Variants in ME3 observed in about 807,000 individuals in gnomAD.
ME3 encodes NADP-dependent malic enzyme, mitochondrial.
Under a neutral mutation model 68.9 loss-of-function variants are expected in ME3, and 48 were observed. The observed-to-expected ratio is 0.70, with a 90% CI of 0.55 to 0.89. The LOEUF is 0.89. Among genes scored for constraint, ME3 ranks in the 40% least tolerant of loss-of-function variants. The pLI is 0.00. For synonymous variants in ME3, 320 were observed against 318.8 expected (o/e 1.00, Z -0.04); for missense variants, 675 against 797.4 (o/e 0.85, Z 1.85).
At position 86,662,281 on chromosome 11, in the gene ME3, AG is replaced by A. The variant is rs540767591; in HGVS notation, c.183+9480del. ...TCTGCCACTATGAGTTGTATGACCT[AG>A]GGCAAGTTAGCTAACCTTATGCCTC... is the stretch of plus-strand genomic sequence containing the variant. On this transcript the variant is annotated intron_variant, in intron 2 of 14. Coordinates refer to ENST00000543262, the Ensembl canonical transcript of ME3. Among the ~76,000 whole-genome samples the A allele has an allele frequency of 1.1e-3, 175 of 152,312 alleles. 1 individual carries two copies. Among genetic ancestry groups the A allele is most frequent in the African/African-American group, 3.7e-3 (152 of 41,560 alleles).
chr11:86,582,168 G>A (rs1958475550), intron 2 of ME3, among the ~76,000 whole-genome samples: 1 of 152,230 alleles, frequency 6.6e-6, no homozygotes, highest in African/African-American at 2.4e-5. Flanking sequence ...GCCTTTAATA[G>A]AGCAAACTAT....
intron 2 of ME3, among the ~76,000 whole-genome samples, chr11:86,630,810 A>G (rs1288952397): frequency 1.3e-5 from 2 of 152,250 alleles, no homozygotes; most frequent in Non-Finnish European, 2.9e-5. Context: ...GGCTGAGGCC[A>G]GTGCCTGTGC....
At chr11:86,574,413 G>A (rs1347758277) in intron 2 of ME3, among the ~76,000 whole-genome samples, 4 of 75,138 alleles carry the variant, frequency 5.3e-5, no homozygotes, top group Non-Finnish European at 8.9e-5. Flanking sequence ...GGGGGGGGGT[G>A]TCTTTTTTGT....
chr11:86,544,551 C>G (rs943423815), intron 4 of ME3, among the ~76,000 whole-genome samples: 1 of 152,172 alleles, frequency 6.6e-6, no homozygotes, highest in Non-Finnish European at 1.5e-5. Context: ...ACTAGACAAT[C>G]TAGAAGAAAT....
At chr11:86,459,101 A>G (rs1950097186) in intron 8 of ME3, among the ~76,000 whole-genome samples, 1 of 152,212 alleles carries the variant, frequency 6.6e-6, no homozygotes, top group Admixed American at 6.5e-5. Context: ...TCCTGGGGGA[A>G]GTGAAATGAG....
intron 2 of ME3, among the ~76,000 whole-genome samples, chr11:86,634,474 C>A (rs538052884): frequency 2.6e-5 from 4 of 152,318 alleles, no homozygotes; most frequent in Non-Finnish European, 5.9e-5. Context: ...ATGAGACTGT[C>A]TTTCTTACTG....
At chr11:86,532,068 G>T (rs1000732793) in intron 4 of ME3, among the ~76,000 whole-genome samples, 1 of 151,784 alleles carries the variant, frequency 6.6e-6, no homozygotes, top group Non-Finnish European at 1.5e-5. Context: ...GAAGAACAGG[G>T]TTAGTTATAT....
At chr11:86,505,063 G>A (rs371356499) in intron 5 of ME3, among the ~76,000 whole-genome samples, 24 of 152,180 alleles carry the variant, frequency 1.6e-4, no homozygotes, top group Non-Finnish European at 2.9e-5. Context: ...CCCAGTGACT[G>A]TGGGAACAGA....
intron 8 of ME3, among the ~76,000 whole-genome samples, chr11:86,455,047 G>T (rs1206809850): frequency 6.6e-6 from 1 of 152,248 alleles, no homozygotes; most frequent in Non-Finnish European, 1.5e-5. Context: ...AGAAGATGGG[G>T]TGCAGGCACC....
intron 2 of ME3, among the ~76,000 whole-genome samples, chr11:86,572,796 G>A (rs1410602115): frequency 1.3e-5 from 2 of 152,210 alleles, no homozygotes; most frequent in African/African-American, 4.8e-5. Context: ...TATATACCCA[G>A]TAATGGGATT....
At chr11:86,599,472 T>G (rs1167598876) in intron 2 of ME3, among the ~76,000 whole-genome samples, 1 of 152,238 alleles carries the variant, frequency 6.6e-6, no homozygotes, top group Non-Finnish European at 1.5e-5. Context: ...AATCTGCATC[T>G]GATTGGTGTA....
At chr11:86,610,868 A>C in intron 2 of ME3, among the ~76,000 whole-genome samples, 1 of 152,210 alleles carries the variant, frequency 6.6e-6, no homozygotes, top group Non-Finnish European at 1.5e-5. Flanking sequence ...TGTTTTGCTG[A>C]ACAAAACAGC....
downstream of ME3, among the ~76,000 whole-genome samples, chr11:86,438,217 G>C (rs568735441): frequency 1.3e-5 from 2 of 151,364 alleles, no homozygotes; most frequent in Admixed American, 1.3e-4. Flanking sequence ...TGCTTTCTTC[G>C]TATCTATTGG....
chr11:86,536,846 T>C (rs1428529872), intron 4 of ME3, among the ~76,000 whole-genome samples: 4 of 152,190 alleles, frequency 2.6e-5, no homozygotes, highest in Admixed American at 6.5e-5. Flanking sequence ...CGTATGTTTA[T>C]TGCAGCATTT....
chr11:86,658,648 T>C (rs942644647), intron 2 of ME3, among the ~76,000 whole-genome samples: 2 of 152,106 alleles, frequency 1.3e-5, no homozygotes, highest in African/African-American at 4.8e-5. Flanking sequence ...CCTCCAGTCC[T>C]GCAGTCAAAG....
downstream of ME3, among the ~76,000 whole-genome samples, chr11:86,439,037 C>T (rs1291435195): frequency 6.6e-6 from 1 of 152,180 alleles, no homozygotes; most frequent in Non-Finnish European, 1.5e-5. Flanking sequence ...GAGTAAGTCT[C>T]TCTTACTCAA....
chr11:86,596,187 T>C (rs539997911), intron 2 of ME3, among the ~76,000 whole-genome samples: 15 of 152,372 alleles, frequency 9.8e-5, no homozygotes, highest in Non-Finnish European at 1.5e-4. Flanking sequence ...ATTCATTTTT[T>C]TCCAATGGAA....
intron 2 of ME3, among the ~76,000 whole-genome samples, chr11:86,626,136 C>T (rs190844873): frequency 9.2e-5 from 14 of 152,310 alleles, no homozygotes; most frequent in African/African-American, 3.4e-4. Context: ...TGTCTCATTT[C>T]TCCAAACCTA....
At chr11:86,443,535 C>T (rs965790898) in intron 13 of ME3, among the ~76,000 whole-genome samples, 1 of 152,240 alleles carries the variant, frequency 6.6e-6, no homozygotes. Context: ...TGCCACAGGG[C>T]CTGATCCTCC....
Sources: gnomAD v4.1 joint callset for allele counts (sites outside exome capture counted in the v4.1 genomes callset) on GRCh38, gnomAD v4.1.1 for gene constraint, MANE v1.5 for transcripts, NCBI Gene and HGNC (gene_info 2026-07-23, HGNC 2026-07-21) for gene names.